The following RDX variants were observed in gnomAD, a reference collection of about 807,000 sequenced individuals.
RDX encodes the protein radixin.
RDX carries 32 observed loss-of-function variants against 83.7 expected under a neutral mutation model. The ratio of observed to expected loss-of-function variants is 0.38; its 90% CI spans 0.29 to 0.51. The LOEUF (loss-of-function observed/expected upper bound fraction) is 0.51, where lower values mean the gene tolerates loss of function less well. RDX is among the 20% of genes least tolerant of loss of function. RDX has a pLI of 0.87. For missense variants in RDX, 600 were observed against 689.9 expected, an observed-to-expected ratio of 0.87 and a Z score of 1.46; for synonymous variants, 229 against 222.7, an observed-to-expected ratio of 1.03 and a Z score of -0.25.
chr11:110,264,128 C>T lies in RDX; in HGVS notation c.299G>A (p.Arg100Lys). Residue 100 changes from arginine (R) to lysine (K), a missense_variant, in exon 5 of 14, where the codon AGA becomes AAA. Coordinates refer to ENST00000645495, the MANE Select transcript of RDX (RefSeq NM_002906.4). ...TTCTTTAACTTGCAAGAAGAAGAGT[C>T]TCTGGGTTATTTCTTGAATTAATTC... is the stretch of plus-strand genomic sequence containing the variant. ...SEELIQEITQRLFFLQVKEAI... is the reference protein window; with the variant it reads ...SEELIQEITQKLFFLQVKEAI... 6.2e-7 allele frequency: 1 copy of T among 1,613,658 alleles called. No individual in the cohort carries two copies. The highest frequency in any genetic ancestry group is 8.5e-7 in the Non-Finnish European group (1 of 1,179,632).
intron 14 of RDX, among the ~76,000 whole-genome samples, chr11:110,202,450 GCT>G (rs1863447431): frequency 6.6e-6 from 1 of 151,858 alleles, no homozygotes; most frequent in Non-Finnish European, 1.5e-5. Context: ...ACAGGGTTTT[GCT>G]CTGTCCTCCA....
At position 110,246,970 on chromosome 11, in the gene RDX, T is replaced by G. The variant is rs188524447; in HGVS notation, c.1090+733A>C. Among the ~76,000 whole-genome samples, 19 of 152,284 alleles carry G rather than the reference T, an allele frequency of 1.2e-4. No individual in the cohort carries two copies. In the East Asian group the frequency reaches 1.9e-3, roughly 15 times the overall value. ...TTTTATAAAGAGTGTAGACTTCATGTTACCCCTGAGAGCCTGCTGCTTAGA... is the reference window on the plus strand; with the variant it reads ...TTTTATAAAGAGTGTAGACTTCATGGTACCCCTGAGAGCCTGCTGCTTAGA... On this transcript the variant is annotated intron_variant, in intron 10 of 13. Coordinates refer to ENST00000645495, the MANE Select transcript of RDX (RefSeq NM_002906.4).
intron 9 of RDX, 115 bp from the exon 10 acceptor site, chr11:110,247,948 A>C: frequency 8.3e-7 from 1 of 1,203,416 alleles, no homozygotes; most frequent in Non-Finnish European, 1.2e-6. Context: ...AGCAACTTGG[A>C]TGAAGCTGGA....
At chr11:110,216,798 G>A (rs577805164) in intron 14 of RDX, among the ~76,000 whole-genome samples, 2 of 152,264 alleles carry the variant, frequency 1.3e-5, no homozygotes, top group East Asian at 3.9e-4. Context: ...GATTACAGGT[G>A]TAAACCACTG....
At chr11:110,249,704 T>C (rs954366551) in intron 9 of RDX, among the ~76,000 whole-genome samples, 8 of 152,158 alleles carry the variant, frequency 5.3e-5, no homozygotes, top group African/African-American at 1.9e-4. Flanking sequence ...ACCTCATCTC[T>C]TCTAAAAATA....
At chr11:110,262,739 G>A (rs1859855500) in intron 5 of RDX, among the ~76,000 whole-genome samples, 1 of 152,138 alleles carries the variant, frequency 6.6e-6, no homozygotes, top group African/African-American at 2.4e-5. Flanking sequence ...GGTAGCCAGA[G>A]AAGGATTATT....
At chr11:110,275,106 A>T (rs1356701237) in intron 2 of RDX, among the ~76,000 whole-genome samples, 1 of 152,244 alleles carries the variant, frequency 6.6e-6, no homozygotes, top group Non-Finnish European at 1.5e-5. Context: ...TTCAGTTAGC[A>T]GAAAATGGTA....
At chr11:110,255,449 G>A in intron 7 of RDX, 64 bp from the exon 8 acceptor site, 1 of 833,834 alleles carries the variant, frequency 1.2e-6, no homozygotes, top group Non-Finnish European at 2.1e-6. Context: ...TCCTGTTTAG[G>A]ACCTAAACTG....
chr11:110,247,647 A>C lies in RDX; in HGVS notation c.1090+56T>G. ...TAAGAGTACTAAAAAAAATACCACTATCTGACAACAGAGCAATAATAATTT... is the reference window on the plus strand; with the variant it reads ...TAAGAGTACTAAAAAAAATACCACTCTCTGACAACAGAGCAATAATAATTT... On this transcript the variant is annotated intron_variant, in intron 10 of 13. Coordinates refer to ENST00000645495, the MANE Select transcript of RDX (RefSeq NM_002906.4). The C allele has an allele frequency of 2.5e-6, 4 of 1,577,376 alleles. No individual in the cohort carries two copies. In the South Asian group the frequency reaches 4.6e-5, roughly 18 times the overall value.
chr11:110,281,359 C>T (rs1173653806), intron 1 of RDX, among the ~76,000 whole-genome samples: 1 of 149,116 alleles, frequency 6.7e-6, no homozygotes, highest in Non-Finnish European at 1.5e-5. Context: ...CTCACTCTGT[C>T]GCCCAGGCTG....
At position 110,236,158 on chromosome 11, in the gene RDX, C is replaced by T. The variant is rs866703297; in HGVS notation, c.1285G>A (p.Ala429Thr). 1 of 1,612,684 alleles carries T rather than the reference C, an allele frequency of 6.2e-7. No homozygotes were observed. Among genetic ancestry groups the T allele is most frequent in the Non-Finnish European group, 8.5e-7 (1 of 1,179,846 alleles). ...AELAEFTAKIALLEEAKKKKE... is the reference protein window; with the variant it reads ...AELAEFTAKITLLEEAKKKKE... ...TTCTTCTTGGCTTCCTCTAGAAGTG[C>T]AATCTTGGCAGTGAATTCAGCAAGT... The change falls in exon 12 of 14, where the codon GCA becomes ACA. Residue 429 changes from alanine (A) to threonine (T), a missense_variant. Ala to Thr is a moderately conservative substitution (Grantham distance 58, BLOSUM62 0). Transcript: ENST00000645495.
intron 7 of RDX, among the ~76,000 whole-genome samples, chr11:110,256,648 A>G (rs1474101174): frequency 6.6e-6 from 1 of 152,178 alleles, no homozygotes; most frequent in Non-Finnish European, 1.5e-5. Context: ...GCAGAGGCGC[A>G]AGAATTGCTA....
intron 7 of RDX, 123 bp downstream of exon 7, chr11:110,257,644 C>G (rs1249215643): frequency 1.0e-6 from 1 of 995,592 alleles, no homozygotes; most frequent in African/African-American, 1.6e-5. Flanking sequence ...ATTAATTCAT[C>G]TTTTAGTTTG....
intron 15 of RDX, among the ~76,000 whole-genome samples, chr11:110,189,256 A>AAAAAAAAAAAAAAC (rs1863056677): frequency 6.8e-6 from 1 of 148,018 alleles, no homozygotes. Flanking sequence ...AAAAAAAAAA[A>AAAAAAAAAAAAAAC]AAAAAAAAAA....
chr11:110,246,374 A>C (rs959499756), intron 10 of RDX, among the ~76,000 whole-genome samples: 42 of 152,224 alleles, frequency 2.8e-4, no homozygotes, highest in Admixed American at 2.6e-4. Flanking sequence ...CTGGTGTAAG[A>C]AATCAAAATA....
chr11:110,179,903 C>CTTTTTT (rs528601645), intron 15 of RDX: 38 of 364,558 alleles, frequency 1.0e-4, no homozygotes, highest in Admixed American at 1.4e-4. Flanking sequence ...TTTCTTTTTT[C>CTTTTTT]TTTTTTTTTT....
chr11:110,278,341 C>G (rs768690021), intron 2 of RDX, among the ~76,000 whole-genome samples: 12 of 152,000 alleles, frequency 7.9e-5, no homozygotes, highest in Non-Finnish European at 1.8e-4. Flanking sequence ...CTGGATTCAA[C>G]TGATTGGAAC....
At chr11:110,277,353 T>A (rs947609855) in intron 2 of RDX, among the ~76,000 whole-genome samples, 1 of 152,146 alleles carries the variant, frequency 6.6e-6, no homozygotes, top group Non-Finnish European at 1.5e-5. Flanking sequence ...CAAGCCTCAC[T>A]CTGTCACCCA....
intron 14 of RDX, among the ~76,000 whole-genome samples, chr11:110,218,679 C>A (rs554765046): frequency 6.6e-6 from 1 of 152,320 alleles, no homozygotes; most frequent in Non-Finnish European, 1.5e-5. Context: ...GCAGTCCCAG[C>A]ACACACTCCA....
Sources: allele counts gnomAD v4.1 joint callset (sites outside exome capture counted in the v4.1 genomes callset), GRCh38; gene constraint gnomAD v4.1.1; transcripts MANE v1.5; gene names NCBI Gene and HGNC (gene_info 2026-07-23, HGNC 2026-07-21).